VAPB: variants seen among roughly 807,000 people sequenced by gnomAD.
VAPB encodes the protein VAMP associated protein B and C.
VAPB carries 7 observed loss-of-function variants against 25.6 expected under a neutral mutation model. The ratio of observed to expected loss-of-function variants is 0.27; its 90% CI spans 0.16 to 0.51. VAPB has a LOEUF of 0.51. Among genes scored for constraint, VAPB ranks in the 20% least tolerant of loss-of-function variants. The pLI is 0.97. For synonymous variants in VAPB, 112 were observed against 109.2 expected, an observed-to-expected ratio of 1.03 and a Z score of -0.16; for missense variants, 266 against 301.3, an observed-to-expected ratio of 0.88 and a Z score of 0.87.
intron 2 of VAPB, among the ~76,000 whole-genome samples, chr20:58,422,212 G>A (rs947728507): frequency 1.3e-5 from 2 of 152,150 alleles, no homozygotes; most frequent in African/African-American, 4.8e-5. Context: ...TGAGGTTTGT[G>A]CTTTTTGGAT....
rs1989315283 is a variant in VAPB, at chr20:58,447,300, G to A, written c.*3065G>A. On this transcript the variant is annotated 3_prime_UTR_variant, in exon 6 of 6. Transcript: ENST00000475243. ...AGCAGGCTTTTTTATTTGTAGGTGT[G>A]AGGAACTGGCTTTAACTTTTTTCTC... The A allele has an allele frequency of 2.2e-6, 1 of 454,022 alleles. No homozygotes were observed. The highest frequency in any genetic ancestry group is 2.0e-5 in the African/African-American group (1 of 50,012). 28.1% of individuals were successfully genotyped at this position (454,022 alleles called of 1,614,324 possible). A position where few individuals can be genotyped will look rare whatever the true frequency, so the allele number is the denominator to read the frequency against.
intron 1 of VAPB, among the ~76,000 whole-genome samples, chr20:58,413,338 C>G (rs1370087222): frequency 6.6e-6 from 1 of 151,466 alleles, no homozygotes; most frequent in East Asian, 1.9e-4. Flanking sequence ...AGATTAGGGA[C>G]TGGTGATGAC....
chr20:58,437,131 A>AT (rs1361674880), intron 3 of VAPB, among the ~76,000 whole-genome samples: 2 of 147,964 alleles, frequency 1.4e-5, no homozygotes, highest in Non-Finnish European at 3.0e-5. Flanking sequence ...CATGCCGGCT[A>AT]TTTTTTTATT....
chr20:58,427,207 C>T (rs866885213), intron 2 of VAPB, among the ~76,000 whole-genome samples: 1,393 of 83,634 alleles, frequency 0.017, no homozygotes, highest in East Asian at 0.037. Context: ...ATGATGCAGG[C>T]GAAAGTGATC....
Position 58,450,580 on chromosome 20 carries a change from G to A in VAPB, c.*6345G>A, listed in dbSNP as rs553514075. On this transcript the variant is annotated 3_prime_UTR_variant, in exon 6 of 6. Transcript: ENST00000475243. ...GAAACTAAAAATGATCTATTTCAGTGTTCCTTTCGCCTTTCCTCTGCTTTC... is the reference window on the plus strand; with the variant it reads ...GAAACTAAAAATGATCTATTTCAGTATTCCTTTCGCCTTTCCTCTGCTTTC... The A allele has an allele frequency of 1.0e-4, 47 of 453,972 alleles. No homozygotes were observed. Among genetic ancestry groups the A allele is most frequent in the South Asian group, 7.0e-4 (45 of 64,452 alleles). 28.1% of individuals were successfully genotyped at this position (453,972 alleles called of 1,614,324 possible).
chr20:58,433,249 C>T (rs1306697450), intron 2 of VAPB, among the ~76,000 whole-genome samples: 3 of 152,192 alleles, frequency 2.0e-5, no homozygotes, highest in Non-Finnish European at 4.4e-5. Context: ...CAAGTCTTGG[C>T]TCTTTGTCCC....
At position 58,447,994 on chromosome 20, in the gene VAPB, C is replaced by A. The variant is rs949194304; in HGVS notation, c.*3759C>A. On this transcript the variant is annotated 3_prime_UTR_variant, in exon 6 of 6. Transcript: ENST00000475243. ...CTGGAGATGGCATTTCATTGAAGGGCCTCTCGTGGCTTTCCCTGCCCCCGG... is the reference window on the plus strand; with the variant it reads ...CTGGAGATGGCATTTCATTGAAGGGACTCTCGTGGCTTTCCCTGCCCCCGG... The A allele has an allele frequency of 6.6e-6, 3 of 453,660 alleles. No individual in the cohort carries two copies. The highest frequency in any genetic ancestry group is 1.3e-5 in the Non-Finnish European group (3 of 226,748). 28.1% of individuals were successfully genotyped at this position (453,660 alleles called of 1,614,324 possible). A position where few individuals can be genotyped will look rare whatever the true frequency, so the allele number is the denominator to read the frequency against.
At chr20:58,410,927 A>G (rs956217507) in intron 1 of VAPB, among the ~76,000 whole-genome samples, 3 of 152,034 alleles carry the variant, frequency 2.0e-5, no homozygotes, top group African/African-American at 7.3e-5. Context: ...ACCACAGTTT[A>G]TTTTATCCAC....
chr20:58,439,760 G>C (rs968772857), intron 4 of VAPB: 1 of 152,280 alleles, frequency 6.6e-6, no homozygotes, highest in African/African-American at 2.4e-5. Flanking sequence ...GCTGTCCACT[G>C]TGAGCGCTTT....
At chr20:58,422,210 G>T (rs1418635879) in intron 2 of VAPB, among the ~76,000 whole-genome samples, 1 of 152,120 alleles carries the variant, frequency 6.6e-6, no homozygotes, top group Non-Finnish European at 1.5e-5. Context: ...TCTGAGGTTT[G>T]TGCTTTTTGG....
At chr20:58,401,995 C>T (rs921346824) in intron 1 of VAPB, among the ~76,000 whole-genome samples, 1 of 152,190 alleles carries the variant, frequency 6.6e-6, no homozygotes, top group African/African-American at 2.4e-5. Context: ...CTGTAATAGC[C>T]TCTTAACTGG....
intron 2 of VAPB, among the ~76,000 whole-genome samples, chr20:58,422,326 T>A (rs1221617969): frequency 6.6e-6 from 1 of 152,190 alleles, no homozygotes; most frequent in Non-Finnish European, 1.5e-5. Context: ...TACTATCAAC[T>A]AGAGATGGTT....
At chr20:58,410,035 T>C (rs1988337682) in intron 1 of VAPB, among the ~76,000 whole-genome samples, 1 of 152,130 alleles carries the variant, frequency 6.6e-6, no homozygotes, top group African/African-American at 2.4e-5. Flanking sequence ...CAAATGCTTT[T>C]TCCCCTTCCT....
chr20:58,442,740 A>G (rs1416934834), intron 5 of VAPB, among the ~76,000 whole-genome samples: 1 of 152,252 alleles, frequency 6.6e-6, no homozygotes, highest in Non-Finnish European at 1.5e-5. Flanking sequence ...AGGGAGAGAC[A>G]TAGACAGAAG....
At chr20:58,392,845 TTA>T (rs1391211900) in intron 1 of VAPB, among the ~76,000 whole-genome samples, 3 of 152,324 alleles carry the variant, frequency 2.0e-5, no homozygotes, top group Non-Finnish European at 1.5e-5. Flanking sequence ...GAATGCAAAT[TTA>T]TATGACTTTA....
At chr20:58,418,384 C>T (rs751057565) in intron 2 of VAPB, 21 bp downstream of exon 2, 3 of 1,613,138 alleles carry the variant, frequency 1.9e-6, no homozygotes, top group Admixed American at 3.3e-5. Context: ...AGACTGGAGG[C>T]CTAGAGGGTG....
chr20:58,442,097 G>A (rs1301494625), intron 5 of VAPB, among the ~76,000 whole-genome samples: 2 of 152,168 alleles, frequency 1.3e-5, no homozygotes, highest in Non-Finnish European at 2.9e-5. Context: ...AATCTGTGCT[G>A]GTCACAGCAT....
intron 2 of VAPB, chr20:58,431,514 C>T (rs1279826177): frequency 6.6e-6 from 1 of 151,800 alleles, no homozygotes; most frequent in Non-Finnish European, 1.5e-5. Flanking sequence ...GCCATGGGAC[C>T]CAGGTGAGCC....
In VAPB at chr20:58,447,094, G is replaced by C; in HGVS notation, c.*2859G>C. 1 of 454,104 alleles carries C rather than the reference G, an allele frequency of 2.2e-6. No homozygotes were observed. Among genetic ancestry groups the C allele is most frequent in the African/African-American group, 2.0e-5 (1 of 50,128 alleles). The allele number at this position is 454,104 out of a possible 1,614,324, so 28.1% of individuals were successfully genotyped here. On this transcript the variant is annotated 3_prime_UTR_variant, in exon 6 of 6. Coordinates refer to ENST00000475243, the MANE Select transcript of VAPB (RefSeq NM_004738.5). ...CCAGGCTGCCCTCCAGTCTGCTCCTGTGGTTACTGGCTCCACAGCACCTCA... is the reference window on the plus strand; with the variant it reads ...CCAGGCTGCCCTCCAGTCTGCTCCTCTGGTTACTGGCTCCACAGCACCTCA...
Sources: allele counts gnomAD v4.1 joint callset (sites outside exome capture counted in the v4.1 genomes callset), GRCh38; gene constraint gnomAD v4.1.1; transcripts MANE v1.5; gene names NCBI Gene and HGNC (gene_info 2026-07-23, HGNC 2026-07-21).